Variants in ADGRV1 observed in about 807,000 individuals in gnomAD.
ADGRV1 encodes adhesion G protein-coupled receptor V1, also known as G-protein coupled receptor 98.
In ADGRV1, 359 loss-of-function variants were observed where a neutral mutation model predicts 596.2. The observed-to-expected ratio is 0.60, with a 90% CI of 0.55 to 0.66. ADGRV1 has a LOEUF of 0.66. Among genes scored for constraint, ADGRV1 ranks in the 30% least tolerant of loss-of-function variants. The pLI, the probability that ADGRV1 is intolerant of heterozygous loss-of-function variation, is 0.00. For missense variants in ADGRV1, 7,274 were observed against 7,575.6 expected, an observed-to-expected ratio of 0.96 and a Z score of 1.48; for synonymous variants, 2,681 against 2,679.2, an observed-to-expected ratio of 1.00 and a Z score of -0.02.
chr5:91,091,223 C>T (rs1790357682), intron 86 of ADGRV1, among the ~76,000 whole-genome samples: 1 of 152,104 alleles, frequency 6.6e-6, no homozygotes, highest in East Asian at 1.9e-4. Context: ...GAATGTTACT[C>T]ATAGGCAGCT....
chr5:91,073,028 T>A (rs1394247977), intron 86 of ADGRV1, among the ~76,000 whole-genome samples: 2 of 152,206 alleles, frequency 1.3e-5, no homozygotes, highest in African/African-American at 4.8e-5. Flanking sequence ...TGACAGATGT[T>A]TAAAAACATG....
chr5:91,121,010 C>T (rs1040276793), intron 87 of ADGRV1, among the ~76,000 whole-genome samples: 4 of 152,010 alleles, frequency 2.6e-5, no homozygotes, highest in African/African-American at 9.7e-5. Flanking sequence ...CCCATTTCTA[C>T]TAAAAATACA....
intron 58 of ADGRV1, 114 bp downstream of exon 58, chr5:90,759,702 A>C: frequency 6.1e-5 from 54 of 880,002 alleles, no homozygotes; most frequent in Non-Finnish European, 9.3e-5. Context: ...ATGGTGGCTC[A>C]TGCCAGTAAT....
intron 70 of ADGRV1, among the ~76,000 whole-genome samples, chr5:90,800,465 C>G (rs1456237185): frequency 6.6e-6 from 1 of 152,208 alleles, no homozygotes; most frequent in African/African-American, 2.4e-5. Context: ...AATGCTTTTA[C>G]ACTGTTGGTG....
rs929146510 is a variant in ADGRV1, at chr5:90,789,836, C to G, written c.14028C>G (p.Thr4676=). The G allele has an allele frequency of 6.9e-7, 1 of 1,446,268 alleles. No homozygotes were observed. The highest frequency in any genetic ancestry group is 1.4e-5 in the African/African-American group (1 of 70,444). The allele number at this position is 1,446,268 out of a possible 1,614,324, so 89.6% of individuals were successfully genotyped here. Residue 4676 remains threonine (T), a synonymous_variant, in exon 69 of 90, where the codon ACC becomes ACG. Transcript: ENST00000405460. ...ITFFVRRVKG[T]FGEIMVYWEL... ...TCTTTGTCAGAAGAGTCAAGGGCAC[C>G]TTTGGAGAGATTATGGTATTACTTT...
chr5:90,844,208 A>G (rs1457231945), intron 78 of ADGRV1, among the ~76,000 whole-genome samples: 1 of 152,234 alleles, frequency 6.6e-6, no homozygotes, highest in Non-Finnish European at 1.5e-5. Context: ...AAAAGGACAG[A>G]ATAGAACTTC....
intron 74 of ADGRV1, among the ~76,000 whole-genome samples, chr5:90,812,960 T>C (rs144457455): frequency 0.036 from 5,367 of 150,658 alleles, 126 homozygotes; most frequent in African/African-American, 0.067. Flanking sequence ...TGAAACCCCA[T>C]CTCTACTAAA....
rs545497669 is a variant in ADGRV1, at chr5:90,727,489, A to G, written c.10162-1180A>G. ...GAATTTCCTTGACCTCCTCAGATCCATTCTCCATTGAGTAACTGGAGGCAT... is the reference window on the plus strand; with the variant it reads ...GAATTTCCTTGACCTCCTCAGATCCGTTCTCCATTGAGTAACTGGAGGCAT... On this transcript the variant is annotated intron_variant, in intron 48 of 89. Transcript: ENST00000405460. Among the ~76,000 whole-genome samples the G allele has an allele frequency of 2.6e-5, 4 of 152,264 alleles. No homozygotes were observed. In the East Asian group the frequency reaches 7.7e-4, roughly 29 times the overall value.
chr5:90,658,403 G>A (rs1769733447), intron 21 of ADGRV1, 125 bp downstream of exon 21: 1 of 767,268 alleles, frequency 1.3e-6, no homozygotes, highest in Non-Finnish European at 1.9e-6. Flanking sequence ...AAGTATGCTA[G>A]GGCCAGTGAT....
chr5:90,794,169 G>A (rs1481359675), intron 70 of ADGRV1, among the ~76,000 whole-genome samples: 3 of 152,106 alleles, frequency 2.0e-5, no homozygotes, highest in Admixed American at 6.6e-5. Context: ...GGACCGCAAG[G>A]GCCATGATGT....
chr5:90,722,477 G>A (rs547258051), intron 45 of ADGRV1, among the ~76,000 whole-genome samples: 5 of 151,544 alleles, frequency 3.3e-5, no homozygotes, highest in Non-Finnish European at 7.4e-5. Context: ...TTGGGAGGCC[G>A]AGGTGGGCGG....
chr5:90,933,436 A>G (rs1224254732), intron 83 of ADGRV1, among the ~76,000 whole-genome samples: 1 of 152,182 alleles, frequency 6.6e-6, no homozygotes, highest in Non-Finnish European at 1.5e-5. Context: ...CATTCCAGAT[A>G]AAAGGGCAAA....
chr5:90,733,758 A>G (rs1181365703), intron 50 of ADGRV1, among the ~76,000 whole-genome samples: 1 of 152,254 alleles, frequency 6.6e-6, no homozygotes, highest in East Asian at 1.9e-4. Flanking sequence ...CTATTAACAT[A>G]TCCATCACTT....
chr5:91,013,887 G>C (rs1362081128), intron 85 of ADGRV1, among the ~76,000 whole-genome samples: 1 of 151,920 alleles, frequency 6.6e-6, no homozygotes, highest in East Asian at 1.9e-4. Context: ...TTTGTGTATG[G>C]TGTAAGGAAG....
chr5:91,099,369 A>G (rs1473720682), intron 86 of ADGRV1, among the ~76,000 whole-genome samples: 1 of 151,824 alleles, frequency 6.6e-6, no homozygotes, highest in Non-Finnish European at 1.5e-5. Context: ...TTCCCGAACA[A>G]TTCCATCTAC....
intron 82 of ADGRV1, 41 bp from the exon 83 acceptor site, chr5:90,863,716 A>G (rs748810692): frequency 1.1e-5 from 16 of 1,418,086 alleles, no homozygotes; most frequent in East Asian, 4.6e-5. Flanking sequence ...TAGAATCTTC[A>G]TGGATTATTA....
At chr5:91,104,332 T>C (rs1791658434) in intron 87 of ADGRV1, among the ~76,000 whole-genome samples, 1 of 152,220 alleles carries the variant, frequency 6.6e-6, no homozygotes, top group African/African-American at 2.4e-5. Flanking sequence ...AATAATTGTA[T>C]ATTTATGGGT....
chr5:91,038,909 C>A (rs1023221197), intron 85 of ADGRV1, among the ~76,000 whole-genome samples: 1 of 152,066 alleles, frequency 6.6e-6, no homozygotes, highest in Admixed American at 6.6e-5. Context: ...CCAGTATGAT[C>A]CCTTTTAAGC....
chr5:90,809,906 C>T (rs1182938654), intron 73 of ADGRV1, among the ~76,000 whole-genome samples: 1 of 152,164 alleles, frequency 6.6e-6, no homozygotes, highest in African/African-American at 2.4e-5. Flanking sequence ...TAATATTGTT[C>T]CCCTTGTACT....
Sources: gnomAD v4.1 joint callset for allele counts (sites outside exome capture counted in the v4.1 genomes callset) on GRCh38, gnomAD v4.1.1 for gene constraint, MANE v1.5 for transcripts, NCBI Gene and HGNC (gene_info 2026-07-23, HGNC 2026-07-21) for gene names.